Variants in THSD7B observed in about 807,000 individuals in gnomAD.
THSD7B encodes thrombospondin type-1 domain-containing protein 7B.
THSD7B carries 138 observed loss-of-function variants against 213.6 expected under a neutral mutation model. The ratio of observed to expected loss-of-function variants is 0.65; its 90% CI spans 0.56 to 0.74. The LOEUF (loss-of-function observed/expected upper bound fraction) is 0.74, where lower values mean the gene tolerates loss of function less well. Among genes scored for constraint, THSD7B ranks in the 30% least tolerant of loss-of-function variants. The pLI is 0.00. For synonymous variants in THSD7B, 742 were observed against 687.0 expected (o/e 1.08, Z -1.25); for missense variants, 1,931 against 1,991.5 (o/e 0.97, Z 0.58).
intron 1 of THSD7B, among the ~76,000 whole-genome samples, chr2:136,857,762 A>G (rs1683198428): frequency 6.6e-6 from 1 of 152,172 alleles, no homozygotes; most frequent in Admixed American, 6.5e-5. Flanking sequence ...CTCCAACAAA[A>G]TCTCACATAA....
chr2:136,928,827 CAA>C (rs1338731200), intron 2 of THSD7B, among the ~76,000 whole-genome samples: 1 of 151,922 alleles, frequency 6.6e-6, no homozygotes, highest in Non-Finnish European at 1.5e-5. Context: ...AGAAGAGTCA[CAA>C]AACATAATAT....
At chr2:136,886,159 G>A (rs1683712589) in intron 2 of THSD7B, among the ~76,000 whole-genome samples, 1 of 152,176 alleles carries the variant, frequency 6.6e-6, no homozygotes, top group South Asian at 2.1e-4. Context: ...GGTGAGACGG[G>A]TAACGGGGTC....
chr2:137,009,455 A>G lies in THSD7B; in HGVS notation c.140-46965A>G, dbSNP rs1196222912. Reference sequence around the variant, plus strand: ...AGAAGTCAGAAAAACCTCCTCCCCCATTCATGTCATATTAGTCTGTTTTCA... The same window carrying G: ...AGAAGTCAGAAAAACCTCCTCCCCCGTTCATGTCATATTAGTCTGTTTTCA... On this transcript the variant is annotated intron_variant, in intron 2 of 27. Coordinates refer to ENST00000409968, the MANE Select transcript of THSD7B (RefSeq NM_001316349.2). Among the ~76,000 whole-genome samples the G allele has an allele frequency of 2.0e-5, 3 of 152,158 alleles. No homozygotes were observed. In the East Asian group the frequency reaches 5.8e-4, roughly 29 times the overall value.
intron 5 of THSD7B, among the ~76,000 whole-genome samples, chr2:137,153,517 A>G (rs1395003104): frequency 1.3e-5 from 2 of 152,180 alleles, no homozygotes; most frequent in African/African-American, 4.8e-5. Flanking sequence ...GTATAATAGG[A>G]TGAGAAGTGA....
chr2:137,092,825 A>G (rs1687975211), intron 3 of THSD7B, among the ~76,000 whole-genome samples: 1 of 152,108 alleles, frequency 6.6e-6, no homozygotes, highest in Admixed American at 6.5e-5. Flanking sequence ...TTTAGTAGAG[A>G]CAAGGTTTCA....
chr2:137,464,514 C>A (rs541131543), intron 15 of THSD7B, among the ~76,000 whole-genome samples: 2 of 152,184 alleles, frequency 1.3e-5, no homozygotes, highest in East Asian at 1.9e-4. Context: ...AGATTTATCT[C>A]ACCTGAAGGG....
rs78603305 is a variant in THSD7B at position 136,939,140 on chromosome 2, G to A, written c.139+56823G>A. ...TAAGAACGACTTTTCCATCCATTTC[G>A]TTGGCTGCAGCACTTGCCTGGTTTC... On this transcript the variant is annotated intron_variant, in intron 2 of 27. Coordinates refer to ENST00000409968, the MANE Select transcript of THSD7B (RefSeq NM_001316349.2). 2.4e-3 allele frequency among the ~76,000 whole-genome samples: 371 copies of A among 152,064 alleles called. 15 individuals carry two copies. In the East Asian group the frequency reaches 0.065, roughly 27 times the overall value.
chr2:136,996,351 C>CT (rs1214944626), intron 2 of THSD7B, among the ~76,000 whole-genome samples: 5 of 150,068 alleles, frequency 3.3e-5, no homozygotes, highest in African/African-American at 1.2e-4. Flanking sequence ...TTTTTCTTTT[C>CT]TTTTTTTTCA....
chr2:137,458,465 CA>C (rs1226113194), intron 15 of THSD7B, among the ~76,000 whole-genome samples: 1 of 152,010 alleles, frequency 6.6e-6, no homozygotes, highest in Non-Finnish European at 1.5e-5. Context: ...ACAATTCTTT[CA>C]AAAAAATGCA....
At chr2:137,552,980 G>A (rs1265610300) in intron 15 of THSD7B, among the ~76,000 whole-genome samples, 2 of 152,132 alleles carry the variant, frequency 1.3e-5, no homozygotes, top group African/African-American at 4.8e-5. Context: ...TAGGCCTGAT[G>A]AGAGGCAAAA....
At chr2:137,388,534 C>G (rs1181694360) in intron 12 of THSD7B, among the ~76,000 whole-genome samples, 2 of 152,092 alleles carry the variant, frequency 1.3e-5, no homozygotes, top group Non-Finnish European at 1.5e-5. Context: ...CAAGTCATGT[C>G]TTCCAGCTAT....
intron 15 of THSD7B, among the ~76,000 whole-genome samples, chr2:137,479,749 A>G (rs1195495433): frequency 6.6e-6 from 1 of 152,160 alleles, no homozygotes; most frequent in African/African-American, 2.4e-5. Context: ...CAGAGATATA[A>G]AGATGCAGGG....
intron 14 of THSD7B, among the ~76,000 whole-genome samples, chr2:137,431,765 G>A (rs1438559186): frequency 1.3e-5 from 2 of 151,968 alleles, no homozygotes; most frequent in Non-Finnish European, 2.9e-5. Context: ...TGGTTATGAA[G>A]AAAACACAAC....
intron 12 of THSD7B, among the ~76,000 whole-genome samples, chr2:137,392,109 A>T (rs1277087006): frequency 2.0e-5 from 3 of 152,140 alleles, no homozygotes; most frequent in Admixed American, 2.0e-4. Flanking sequence ...GCTTGAGAAG[A>T]TACTTGATAT....
chr2:137,331,906 G>A (rs1426178232), intron 12 of THSD7B, among the ~76,000 whole-genome samples: 2 of 152,060 alleles, frequency 1.3e-5, no homozygotes, highest in African/African-American at 4.8e-5. Context: ...CTCCAAGTGC[G>A]GGCCCGCCAA....
chr2:137,476,155 A>ATTTG (rs899896001), intron 15 of THSD7B, among the ~76,000 whole-genome samples: 79 of 151,598 alleles, frequency 5.2e-4, no homozygotes, highest in African/African-American at 1.8e-3. Context: ...TAATGTGACT[A>ATTTG]TTTTCATTTT....
At chr2:136,933,421 A>G (rs1179463077) in intron 2 of THSD7B, among the ~76,000 whole-genome samples, 2 of 152,062 alleles carry the variant, frequency 1.3e-5, no homozygotes, top group Admixed American at 6.6e-5. Flanking sequence ...CTAAAAAAGA[A>G]TACAATAATT....
chr2:137,197,061 C>T lies in THSD7B; in HGVS notation c.1723+26123C>T, dbSNP rs771243733. Reference sequence around the variant, plus strand: ...ATCTAATGTAATCATGAAGAAACTTCGGACCAATGCAAATTAGAGACATTG... The same window carrying T: ...ATCTAATGTAATCATGAAGAAACTTTGGACCAATGCAAATTAGAGACATTG... On this transcript the variant is annotated intron_variant, in intron 7 of 27. Coordinates refer to ENST00000409968, the MANE Select transcript of THSD7B (RefSeq NM_001316349.2). Among the ~76,000 whole-genome samples the T allele has an allele frequency of 7.2e-5, 11 of 152,084 alleles. 1 individual carries two copies. Among genetic ancestry groups the T allele is most frequent in the South Asian group, 2.1e-4 (1 of 4,832 alleles).
At chr2:137,136,581 C>A (rs948453165) in intron 5 of THSD7B, among the ~76,000 whole-genome samples, 1 of 152,072 alleles carries the variant, frequency 6.6e-6, no homozygotes, top group Non-Finnish European at 1.5e-5. Context: ...CTATGAAAGG[C>A]GTAAAGTTAA....
Sources: allele counts gnomAD v4.1 joint callset (sites outside exome capture counted in the v4.1 genomes callset), GRCh38; gene constraint gnomAD v4.1.1; transcripts MANE v1.5; gene names NCBI Gene and HGNC (gene_info 2026-07-23, HGNC 2026-07-21).